MARCHF1: variants seen among roughly 807,000 people sequenced by gnomAD.
MARCHF1 encodes membrane associated ring-CH-type finger 1, also known as E3 ubiquitin-protein ligase MARCHF1.
MARCHF1 carries 40 observed loss-of-function variants against 54.2 expected under a neutral mutation model. The ratio of observed to expected loss-of-function variants is 0.74; its 90% CI spans 0.57 to 0.96. The LOEUF (loss-of-function observed/expected upper bound fraction) is 0.96. Among genes scored for constraint, MARCHF1 ranks in the 40% least tolerant of loss-of-function variants. MARCHF1 has a pLI of 0.00. For synonymous variants in MARCHF1, 236 were observed against 236.3 expected (o/e 1.00, Z 0.01); for missense variants, 586 against 656.5 (o/e 0.89, Z 1.17).
chr4:164,158,161 A>G (rs6849473), intron 1 of MARCHF1, among the ~76,000 whole-genome samples: 29,032 of 152,148 alleles, frequency 0.19, 4,409 homozygotes, highest in African/African-American at 0.41. Context: ...TCAGTGGCAT[A>G]CTTAGAGATA....
At chr4:164,053,351 A>G (rs1754414646) in intron 2 of MARCHF1, among the ~76,000 whole-genome samples, 1 of 152,022 alleles carries the variant, frequency 6.6e-6, no homozygotes, top group Non-Finnish European at 1.5e-5. Context: ...AACCCCAAAC[A>G]TAGGAATTGA....
At chr4:163,918,614 C>T (rs780560383) in intron 3 of MARCHF1, among the ~76,000 whole-genome samples, 58 of 152,106 alleles carry the variant, frequency 3.8e-4, no homozygotes, top group Non-Finnish European at 6.9e-4. Context: ...TTTATAATTA[C>T]GAGCATTTCT....
intron 4 of MARCHF1, among the ~76,000 whole-genome samples, chr4:163,801,490 C>T (rs980483245): frequency 7.2e-5 from 11 of 151,996 alleles, no homozygotes; most frequent in Admixed American, 1.3e-4. Context: ...GAATGTGCTA[C>T]GGAAATACTT....
intron 1 of MARCHF1, among the ~76,000 whole-genome samples, chr4:164,344,079 T>TGG (rs1043864216): frequency 6.6e-6 from 1 of 152,168 alleles, no homozygotes; most frequent in Admixed American, 6.6e-5. Flanking sequence ...TTGCACAGCA[T>TGG]GGATGGTGCT....
At chr4:163,676,066 G>T (rs1323891624) in intron 5 of MARCHF1, among the ~76,000 whole-genome samples, 3 of 151,694 alleles carry the variant, frequency 2.0e-5, no homozygotes, top group Non-Finnish European at 2.9e-5. Flanking sequence ...AGATTGGCCG[G>T]GTGTGGTGGT....
chr4:164,203,467 T>C (rs1020077348), intron 1 of MARCHF1, among the ~76,000 whole-genome samples: 6 of 152,210 alleles, frequency 3.9e-5, no homozygotes, highest in Admixed American at 3.9e-4. Flanking sequence ...TCTATTGGTC[T>C]TGTTCCTTCT....
At chr4:163,568,366 C>A (rs1187410121) in intron 8 of MARCHF1, among the ~76,000 whole-genome samples, 1 of 152,040 alleles carries the variant, frequency 6.6e-6, no homozygotes, top group African/African-American at 2.4e-5. Flanking sequence ...TCATTGAAAT[C>A]AACTTAAGCT....
At chr4:164,271,970 A>T (rs966145682) in intron 1 of MARCHF1, among the ~76,000 whole-genome samples, 7 of 152,182 alleles carry the variant, frequency 4.6e-5, no homozygotes, top group African/African-American at 1.7e-4. Flanking sequence ...TAGAACAAGC[A>T]AAATGCATAA....
intron 1 of MARCHF1, among the ~76,000 whole-genome samples, chr4:164,122,730 T>TG (rs1756096096): frequency 1.3e-5 from 2 of 152,022 alleles, no homozygotes; most frequent in South Asian, 4.2e-4. Flanking sequence ...TTCTTGTGTG[T>TG]TTTCGTGTCC....
intron 4 of MARCHF1, among the ~76,000 whole-genome samples, chr4:163,832,864 G>A (rs532882632): frequency 6.6e-6 from 1 of 150,536 alleles, no homozygotes; most frequent in Non-Finnish European, 1.5e-5. Context: ...CCTTGCGATA[G>A]TTTGCTGAGA....
intron 5 of MARCHF1, among the ~76,000 whole-genome samples, chr4:163,677,878 G>T (rs149477015): frequency 0.017 from 2,645 of 152,290 alleles, 51 homozygotes; most frequent in South Asian, 0.065. Context: ...TGCCAGTTGT[G>T]TAATTTTACA....
intron 1 of MARCHF1, among the ~76,000 whole-genome samples, chr4:164,366,131 T>C (rs1730873900): frequency 6.6e-6 from 1 of 152,206 alleles, no homozygotes; most frequent in East Asian, 1.9e-4. Context: ...AAAAGTTGTG[T>C]TAAAATCCTG....
intron 1 of MARCHF1, among the ~76,000 whole-genome samples, chr4:164,326,402 A>G (rs1735282705): frequency 6.6e-6 from 1 of 152,216 alleles, no homozygotes; most frequent in South Asian, 2.1e-4. Flanking sequence ...TATATCAAAG[A>G]TATTCTTCCA....
At chr4:164,356,725 G>T (rs1336294475) in intron 1 of MARCHF1, among the ~76,000 whole-genome samples, 3 of 102,650 alleles carry the variant, frequency 2.9e-5, no homozygotes, top group African/African-American at 1.0e-4. Flanking sequence ...TAACTAACCT[G>T]CACATTGTGC....
chr4:163,768,495 A>G (rs143708370), intron 4 of MARCHF1, among the ~76,000 whole-genome samples: 2,181 of 152,346 alleles, frequency 0.014, 33 homozygotes, highest in Non-Finnish European at 0.021. Context: ...GGGAAAAACA[A>G]AAAAAGTTCT....
chr4:163,898,255 C>A (rs183711925), intron 3 of MARCHF1, among the ~76,000 whole-genome samples: 2 of 152,094 alleles, frequency 1.3e-5, no homozygotes, highest in East Asian at 3.9e-4. Context: ...AAACAGGCAA[C>A]CTACAGAATG....
At chr4:163,953,281 C>T (rs964146787) in intron 3 of MARCHF1, among the ~76,000 whole-genome samples, 2 of 152,118 alleles carry the variant, frequency 1.3e-5, no homozygotes, top group Non-Finnish European at 2.9e-5. Context: ...TAAAATATTT[C>T]AGGATTTGGC....
intron 4 of MARCHF1, among the ~76,000 whole-genome samples, chr4:163,778,624 G>A (rs1479810737): frequency 1.3e-5 from 2 of 151,984 alleles, no homozygotes; most frequent in African/African-American, 4.8e-5. Context: ...TGGGTGACTA[G>A]ATAAGACAAT....
chr4:163,992,942 C>G (rs1032070937), intron 2 of MARCHF1, among the ~76,000 whole-genome samples: 4 of 151,706 alleles, frequency 2.6e-5, no homozygotes, highest in African/African-American at 9.7e-5. Context: ...GGGAGGAAAC[C>G]TGGATTGAAT....
Sources: allele counts gnomAD v4.1 joint callset (sites outside exome capture counted in the v4.1 genomes callset), GRCh38; gene constraint gnomAD v4.1.1; transcripts MANE v1.5; gene names NCBI Gene and HGNC (gene_info 2026-07-23, HGNC 2026-07-21).